The following RAPGEF4 variants were observed in gnomAD, a reference collection of about 807,000 sequenced individuals.
The protein encoded by RAPGEF4 is RAP guanine-nucleotide-exchange factor (GEF) 4.
A neutral mutation model predicts 147.9 loss-of-function variants in RAPGEF4; 66 were observed. The ratio of observed to expected loss-of-function variants is 0.45; its 90% confidence interval spans 0.37 to 0.55. RAPGEF4 has a LOEUF of 0.55. RAPGEF4 is among the 20% of genes least tolerant of loss of function. RAPGEF4 has a pLI of 0.00. For missense variants in RAPGEF4, 1,071 were observed against 1,257.3 expected, an observed-to-expected ratio of 0.85 and a Z score of 2.24; for synonymous variants, 419 against 442.7, an observed-to-expected ratio of 0.95 and a Z score of 0.67.
At chr2:172,929,582 T>C (rs1685710002) in intron 6 of RAPGEF4, among the ~76,000 whole-genome samples, 1 of 152,172 alleles carries the variant, frequency 6.6e-6, no homozygotes, top group South Asian at 2.1e-4. Flanking sequence ...TCCTTTTTAG[T>C]TTAATTTAGT....
At position 172,916,977 on chromosome 2, in the gene RAPGEF4, A is replaced by G. The variant is rs72908283; in HGVS notation, c.445-825A>G. On this transcript the variant is annotated intron_variant, in intron 4 of 30. Transcript: ENST00000397081. Reference sequence around the variant, plus strand: ...CAATAAATAAAATTGCCCAGCTTCCATTCTGAAAGGGGAGGAGATTGTATT... The same window carrying G: ...CAATAAATAAAATTGCCCAGCTTCCGTTCTGAAAGGGGAGGAGATTGTATT... 2.0e-5 allele frequency among the ~76,000 whole-genome samples: 3 copies of G among 152,360 alleles called. 1 individual carries two copies. The highest frequency in any genetic ancestry group is 4.1e-4 in the South Asian group (2 of 4,828).
intron 17 of RAPGEF4, among the ~76,000 whole-genome samples, chr2:173,013,890 T>C (rs1329660706): frequency 2.6e-5 from 4 of 152,106 alleles, no homozygotes; most frequent in Admixed American, 6.5e-5. Flanking sequence ...CACCAGAGAA[T>C]TGGTACAGCA....
chr2:172,967,329 G>A lies in RAPGEF4; in HGVS notation c.889G>A (p.Ala297Thr). ...YRFLDDEHED[A>T]PLPTEEEKKE... is the part of the protein sequence containing the mutation. ...ATTTCTGGATGATGAGCACGAGGAT[G>A]CCCCTTTGCCTACTGAGGAGGAGAA... The change falls in exon 10 of 31, where the codon GCC becomes ACC. Residue 297 changes from alanine to threonine, a missense_variant. Transcript: ENST00000397081. 1 of 1,612,218 alleles carries A rather than the reference G, an allele frequency of 6.2e-7. No homozygotes were observed. The highest frequency in any genetic ancestry group is 8.5e-7 in the Non-Finnish European group (1 of 1,179,736).
intron 23 of RAPGEF4, among the ~76,000 whole-genome samples, chr2:173,024,666 T>C (rs1696490471): frequency 6.6e-6 from 1 of 152,208 alleles, no homozygotes; most frequent in South Asian, 2.1e-4. Context: ...TTACCAGAGC[T>C]GGAAACAGAC....
At chr2:173,001,993 C>G (rs1298568989) in intron 17 of RAPGEF4, among the ~76,000 whole-genome samples, 5 of 79,308 alleles carry the variant, frequency 6.3e-5, no homozygotes, top group Non-Finnish European at 4.9e-5. Flanking sequence ...GTGATGCTGG[C>G]AAAAAAAAAA....
chr2:172,985,385 C>T (rs772857598), intron 11 of RAPGEF4, 48 bp from the exon 12 acceptor site: 2 of 1,613,640 alleles, frequency 1.2e-6, no homozygotes, highest in Non-Finnish European at 1.7e-6. Flanking sequence ...CTTTTCCACC[C>T]AGACCTGGAA....
chr2:172,873,958 C>T (rs550046453), intron 4 of RAPGEF4, among the ~76,000 whole-genome samples: 1 of 152,288 alleles, frequency 6.6e-6, no homozygotes, highest in Admixed American at 6.5e-5. Flanking sequence ...AGCTCATCAC[C>T]ACTGGTCATT....
In RAPGEF4 at chr2:172,871,333, G is replaced by T. The variant is rs527403399; in HGVS notation, c.445-46469G>T. ...TTGGCAGAGTGTTTTGATTGGTATC[G>T]GCCTGCTTTCTGCAGTGAGAAAGCT... On this transcript the variant is annotated intron_variant, in intron 4 of 30. Coordinates refer to ENST00000397081, the MANE Select transcript of RAPGEF4 (RefSeq NM_007023.4). 4.1e-4 allele frequency among the ~76,000 whole-genome samples: 62 copies of T among 152,044 alleles called. 1 individual carries two copies. Among genetic ancestry groups the T allele is most frequent in the Middle Eastern group, 6.3e-3 (2 of 316 alleles).
chr2:173,004,594 T>C (rs1406896655), intron 17 of RAPGEF4, among the ~76,000 whole-genome samples: 1 of 152,060 alleles, frequency 6.6e-6, no homozygotes, highest in Non-Finnish European at 1.5e-5. Context: ...TAAGCAATAT[T>C]TTGTGACTAT....
chr2:172,903,342 C>G (rs908283533), intron 4 of RAPGEF4, among the ~76,000 whole-genome samples: 2 of 127,510 alleles, frequency 1.6e-5, no homozygotes, highest in Non-Finnish European at 3.1e-5. Context: ...GCACTCCAGA[C>G]TGGGGGACAG....
chr2:172,988,623 G>A, intron 13 of RAPGEF4, 70 bp from the exon 14 acceptor site: 2 of 1,493,454 alleles, frequency 1.3e-6, no homozygotes, highest in Middle Eastern at 1.9e-4. Context: ...TGGGGGTCTT[G>A]TGGCAGGAGG....
chr2:172,923,379 C>T (rs1056246818), intron 6 of RAPGEF4, among the ~76,000 whole-genome samples: 1 of 152,138 alleles, frequency 6.6e-6, no homozygotes, highest in Admixed American at 6.5e-5. Context: ...AGTGATTCTC[C>T]TGCCTCAGCC....
At chr2:173,012,014 T>A (rs1695075971) in intron 17 of RAPGEF4, among the ~76,000 whole-genome samples, 1 of 152,254 alleles carries the variant, frequency 6.6e-6, no homozygotes, top group African/African-American at 2.4e-5. Context: ...TATGCTCATG[T>A]TGCATGTGTA....
At chr2:172,969,947 A>G (rs1365814351) in intron 10 of RAPGEF4, among the ~76,000 whole-genome samples, 1 of 152,226 alleles carries the variant, frequency 6.6e-6, no homozygotes, top group African/African-American at 2.4e-5. Flanking sequence ...TAGTTGTTAA[A>G]GTACAGGTTT....
chr2:172,769,604 C>T (rs1559032376), intron 1 of RAPGEF4, among the ~76,000 whole-genome samples: 1 of 152,006 alleles, frequency 6.6e-6, no homozygotes, highest in Non-Finnish European at 1.5e-5. Flanking sequence ...TTGCTGCTCC[C>T]CAGGTGCTCT....
At chr2:172,802,991 C>T (rs1207466157) in intron 3 of RAPGEF4, among the ~76,000 whole-genome samples, 2 of 152,180 alleles carry the variant, frequency 1.3e-5, no homozygotes, top group South Asian at 2.1e-4. Context: ...GTGTTCCCAT[C>T]GTCTTGGGCA....
intron 6 of RAPGEF4, among the ~76,000 whole-genome samples, chr2:172,957,599 C>T (rs370378867): frequency 1.8e-4 from 27 of 152,322 alleles, no homozygotes; most frequent in African/African-American, 6.0e-4. Flanking sequence ...CCTATTCCCT[C>T]AAAATAAAAC....
chr2:172,737,318 T>C (rs1693883535), intron 1 of RAPGEF4, among the ~76,000 whole-genome samples: 1 of 152,192 alleles, frequency 6.6e-6, no homozygotes. Context: ...GTAGAAGAAC[T>C]AAGAGTATTT....
At chr2:172,918,692 G>A (rs956948556) in intron 5 of RAPGEF4, among the ~76,000 whole-genome samples, 1 of 152,064 alleles carries the variant, frequency 6.6e-6, no homozygotes, top group South Asian at 2.1e-4. Context: ...GTTAGCGTTC[G>A]TTACCATTGC....
Sources: gnomAD v4.1 joint callset for allele counts (sites outside exome capture counted in the v4.1 genomes callset) on GRCh38, gnomAD v4.1.1 for gene constraint, MANE v1.5 for transcripts, NCBI Gene and HGNC (gene_info 2026-07-23, HGNC 2026-07-21) for gene names.